The following F13A1 variants were observed in gnomAD, a reference collection of about 807,000 sequenced individuals.
F13A1 encodes FSF, A subunit.
In F13A1, 47 loss-of-function variants were observed where a neutral mutation model predicts 80.1. The observed-to-expected ratio is 0.59, with a 90% CI of 0.46 to 0.75. F13A1 has a LOEUF of 0.75. Among genes scored for constraint, F13A1 ranks in the 30% least tolerant of loss-of-function variants. The probability of loss-of-function intolerance (pLI) is 0.00; values close to 1 mark genes in which losing one functional copy is unlikely to be tolerated. For missense variants in F13A1, 817 were observed against 930.4 expected (o/e 0.88, Z 1.59); for synonymous variants, 349 against 344.9 (o/e 1.01, Z -0.13).
At chr6:6,197,136 C>A in intron 9 of F13A1, 87 bp downstream of exon 9, 2 of 1,256,240 alleles carry the variant, frequency 1.6e-6, no homozygotes, top group Non-Finnish European at 2.3e-6. Context: ...TCCCAATGGG[C>A]GTGGTTCCCA....
intron 2 of F13A1, among the ~76,000 whole-genome samples, chr6:6,316,617 T>C (rs974540735): frequency 1.3e-5 from 2 of 152,172 alleles, no homozygotes; most frequent in Admixed American, 1.3e-4. Context: ...TGTTCAGATG[T>C]CAGATTTATG....
At position 6,318,597 on chromosome 6, in the gene F13A1, G is replaced by A. The variant is rs763103004; in HGVS notation, c.68C>T (p.Ala23Val). 1.9e-5 allele frequency: 31 copies of A among 1,613,510 alleles called. No homozygotes were observed. The East Asian group carries it at 2.2e-4, about 12-fold the overall frequency. ...CTCCACTGTGGGCAGGTCATCTTCC[G>A]CTGCATTAGAGTTATTGGGTGGAAC... ...RAVPPNNSNA[A>V]EDDLPTVELQ... Residue 23 changes from alanine (A) to valine (V), a missense_variant, in exon 2 of 15, where the codon GCG becomes GTG. By Grantham distance (64) the Ala-to-Val change is moderately conservative (BLOSUM62 0). Coordinates refer to ENST00000264870, the MANE Select transcript of F13A1 (RefSeq NM_000129.4).
intron 2 of F13A1, among the ~76,000 whole-genome samples, chr6:6,315,475 G>A (rs1046268749): frequency 2.0e-5 from 3 of 152,014 alleles, no homozygotes; most frequent in African/African-American, 7.3e-5. Context: ...GTGTGTATGA[G>A]AGGAAACTTA....
intron 3 of F13A1, among the ~76,000 whole-genome samples, chr6:6,272,327 T>C (rs1757931952): frequency 6.6e-6 from 1 of 152,198 alleles, no homozygotes; most frequent in Non-Finnish European, 1.5e-5. Context: ...TATGGTTGAA[T>C]ATTGTTCCTA....
Position 6,190,495 on chromosome 6 carries a change from A to G in F13A1, c.1305+5302T>C, listed in dbSNP as rs1291623796. ...GGAATACCCTGCTGTGTAAGGTGTC[A>G]GTGTTCCCCTGCTGGGGGGTGCCTC... On this transcript the variant is annotated intron_variant, in intron 10 of 14. Coordinates refer to ENST00000264870, the MANE Select transcript of F13A1 (RefSeq NM_000129.4). Among the ~76,000 whole-genome samples, 3 of 149,434 alleles carry G rather than the reference A, an allele frequency of 2.0e-5. No homozygotes were observed. The East Asian group carries it at 6.1e-4, about 30-fold the overall frequency.
chr6:6,244,957 T>C (rs1436895972), intron 6 of F13A1, among the ~76,000 whole-genome samples: 1 of 152,154 alleles, frequency 6.6e-6, no homozygotes, highest in African/African-American at 2.4e-5. Context: ...GTTACTTACA[T>C]TCCATAGGTG....
At chr6:6,217,909 A>T (rs906804843) in intron 8 of F13A1, among the ~76,000 whole-genome samples, 1 of 152,214 alleles carries the variant, frequency 6.6e-6, no homozygotes, top group Non-Finnish European at 1.5e-5. Flanking sequence ...TGCAGCATGG[A>T]GTTTTTATGC....
intron 4 of F13A1, among the ~76,000 whole-genome samples, chr6:6,256,685 G>A (rs1018391907): frequency 3.3e-5 from 5 of 152,066 alleles, no homozygotes; most frequent in Admixed American, 1.3e-4. Context: ...CTGTCCTCCC[G>A]ACCCAGAGAA....
chr6:6,300,587 C>T (rs1051881687), intron 3 of F13A1, among the ~76,000 whole-genome samples: 4 of 152,164 alleles, frequency 2.6e-5, no homozygotes, highest in South Asian at 2.1e-4. Context: ...GGCAATGCCT[C>T]GCCCTGCTTC....
At chr6:6,220,370 T>TTTGGA (rs1757174491) in intron 8 of F13A1, among the ~76,000 whole-genome samples, 1 of 151,958 alleles carries the variant, frequency 6.6e-6, no homozygotes, top group Non-Finnish European at 1.5e-5. Context: ...GGGACCTGAA[T>TTTGGA]GAGGACAGGG....
chr6:6,207,298 G>T (rs947586170), intron 8 of F13A1, among the ~76,000 whole-genome samples: 7 of 152,072 alleles, frequency 4.6e-5, no homozygotes, highest in Non-Finnish European at 8.8e-5. Context: ...TGCTTAACTT[G>T]CCTGGCAGCT....
intron 4 of F13A1, among the ~76,000 whole-genome samples, chr6:6,258,744 A>C (rs766477770): frequency 9.2e-5 from 14 of 152,202 alleles, no homozygotes; most frequent in African/African-American, 1.2e-4. Flanking sequence ...ATTTAAGAGG[A>C]ATATTGAGTA....
At chr6:6,294,635 A>G (rs1006320569) in intron 3 of F13A1, among the ~76,000 whole-genome samples, 3 of 152,124 alleles carry the variant, frequency 2.0e-5, no homozygotes, top group African/African-American at 7.2e-5. Context: ...ACTGACTAAT[A>G]TAGTGAGTGA....
At chr6:6,175,778 G>T (rs995702672) in intron 11 of F13A1, among the ~76,000 whole-genome samples, 1 of 152,256 alleles carries the variant, frequency 6.6e-6, no homozygotes, top group African/African-American at 2.4e-5. Context: ...TTCGAGGTGT[G>T]TGTGCTGCTT....
At chr6:6,307,020 C>T (rs1253669017) in intron 2 of F13A1, among the ~76,000 whole-genome samples, 1 of 152,222 alleles carries the variant, frequency 6.6e-6, no homozygotes, top group Non-Finnish European at 1.5e-5. Context: ...TCTCAGGTGT[C>T]AAAATTACTG....
chr6:6,219,542 G>A (rs146554574), intron 8 of F13A1, among the ~76,000 whole-genome samples: 52 of 152,318 alleles, frequency 3.4e-4, no homozygotes, highest in African/African-American at 1.2e-3. Context: ...TCAGAGAGGT[G>A]AAGTCATTTT....
At chr6:6,147,761 C>A (rs565091182) in intron 14 of F13A1, among the ~76,000 whole-genome samples, 2 of 152,068 alleles carry the variant, frequency 1.3e-5, no homozygotes, top group African/African-American at 4.8e-5. Context: ...TGTGTACATA[C>A]GAAAAAACTC....
chr6:6,210,731 T>G (rs1005293280), intron 8 of F13A1, among the ~76,000 whole-genome samples: 4 of 151,664 alleles, frequency 2.6e-5, no homozygotes, highest in African/African-American at 9.7e-5. Context: ...ATTATTTTTA[T>G]TTATTTATTT....
At chr6:6,283,607 C>A (rs1758095984) in intron 3 of F13A1, among the ~76,000 whole-genome samples, 3 of 151,920 alleles carry the variant, frequency 2.0e-5, no homozygotes, top group South Asian at 2.1e-4. Context: ...TTAAAAAAAA[C>A]TTTTAAACAA....
Sources: gnomAD v4.1 joint callset for allele counts (sites outside exome capture counted in the v4.1 genomes callset) on GRCh38, gnomAD v4.1.1 for gene constraint, MANE v1.5 for transcripts, NCBI Gene and HGNC (gene_info 2026-07-23, HGNC 2026-07-21) for gene names.